Variants in HTT observed in about 807,000 individuals in gnomAD.
HTT encodes the protein huntingtin.
A neutral mutation model predicts 362.3 loss-of-function variants in HTT; 104 were observed. The observed-to-expected ratio is 0.29, with a 90% CI of 0.24 to 0.34. The LOEUF (loss-of-function observed/expected upper bound fraction) is 0.34. HTT is among the 10% of genes least tolerant of loss of function. The pLI is 1.00. For missense variants in HTT, 3,301 were observed against 3,928.6 expected (o/e 0.84, Z 4.27); for synonymous variants, 1,577 against 1,548.7 (o/e 1.02, Z -0.43).
At chr4:3,175,325 G>A (rs1047767583) in intron 33 of HTT, among the ~76,000 whole-genome samples, 1 of 152,214 alleles carries the variant, frequency 6.6e-6, no homozygotes, top group Non-Finnish European at 1.5e-5. Flanking sequence ...TGGACTCAAG[G>A]CTAACCTGGG....
Position 3,130,336 on chromosome 4 carries a change from G to T in HTT, c.1899G>T (p.Met633Ile). Residue 633 changes from methionine (M) to isoleucine (I), a missense_variant, in exon 14 of 67, where the codon ATG (methionine) becomes ATT (isoleucine). Around this residue, in one of 4 missense-constraint regions of HTT, gnomAD observed 2,316 missense variants for 2,658.5 expected, o/e 0.87. Coordinates refer to ENST00000355072, the MANE Select transcript of HTT (RefSeq NM_001388492.1). ...AACAGGCACATTTATTGAAAAACAT[G>T]AGTCACTGCAGGCAGCCTTCTGACA... ...ALQQAHLLKN[M>I]SHCRQPSDSS... 1 of 1,599,952 alleles carries T rather than the reference G, an allele frequency of 6.3e-7. No individual in the cohort carries two copies. The highest frequency in any genetic ancestry group is 8.5e-7 in the Non-Finnish European group (1 of 1,171,494).
chr4:3,169,003 A>ATTATTTCT (rs1553916663), intron 29 of HTT, among the ~76,000 whole-genome samples: 2 of 143,524 alleles, frequency 1.4e-5, no homozygotes, highest in Non-Finnish European at 3.0e-5. Flanking sequence ...ATTTTAGGCC[A>ATTATTTCT]TTCTTTCTTT....
At chr4:3,187,506 G>T in intron 38 of HTT, 145 bp from the exon 39 acceptor site, 5 of 645,022 alleles carry the variant, frequency 7.8e-6, no homozygotes, top group Non-Finnish European at 1.1e-5. Flanking sequence ...GCTTTTCTGG[G>T]AGCACACTTT....
rs146402014 is a variant in HTT, at chr4:3,144,463, G to A, written c.3067-689G>A. 3.0e-3 allele frequency among the ~76,000 whole-genome samples: 450 copies of A among 152,134 alleles called. 8 individuals carry two copies. Among genetic ancestry groups the A allele is most frequent in the Admixed American group, 0.027 (412 of 15,270 alleles). On this transcript the variant is annotated intron_variant, in intron 23 of 66. Coordinates refer to ENST00000355072, the MANE Select transcript of HTT (RefSeq NM_001388492.1). The stretch of plus-strand genomic sequence containing the variant: ...CTCCTGAGTGGCTGGAATTACAGGC[G>A]TGTGGCACCACACCTGGCTAATTTT...
At chr4:3,216,001 T>C (rs1241036553) in intron 51 of HTT, among the ~76,000 whole-genome samples, 1 of 152,200 alleles carries the variant, frequency 6.6e-6, no homozygotes, top group African/African-American at 2.4e-5. Context: ...TGTCCACACA[T>C]TTTACACAGC....
chr4:3,238,697 C>T, intron 65 of HTT, 88 bp downstream of exon 65: 11 of 1,475,864 alleles, frequency 7.5e-6, no homozygotes, highest in Non-Finnish European at 1.0e-5. Context: ...CAGCAGAGCC[C>T]AGCTCCTCCG....
In HTT at chr4:3,180,698, G is replaced by A. The variant is rs771825846; in HGVS notation, c.4749+47G>A. ...ACTGTCGTGGATACTTTATTGACCC[G>A]TGCAGATGGAAGGAAGTGCCATGTG... is the stretch of plus-strand genomic sequence containing the variant. On this transcript the variant is annotated intron_variant, in intron 36 of 66. Coordinates refer to ENST00000355072, the MANE Select transcript of HTT (RefSeq NM_001388492.1). The A allele has an allele frequency of 9.8e-6, 15 of 1,523,674 alleles. No individual in the cohort carries two copies. The South Asian group carries it at 1.2e-4, about 12-fold the overall frequency. The allele number at this position is 1,523,674 out of a possible 1,614,324, so 94.4% of individuals were successfully genotyped here. A position where few individuals can be genotyped will look rare whatever the true frequency, so the allele number is the denominator to read the frequency against.
chr4:3,212,599 G>T lies in HTT; in HGVS notation c.6664G>T (p.Ala2222Ser), dbSNP rs1720214464. 1 of 1,614,208 alleles carries T rather than the reference G, an allele frequency of 6.2e-7. No individual in the cohort carries two copies. Among genetic ancestry groups the T allele is most frequent in the Non-Finnish European group, 8.5e-7 (1 of 1,180,042 alleles). The change falls in exon 49 of 67, where the codon GCC (alanine) becomes TCC (serine). Residue 2222 changes from alanine to serine, a missense_variant. Transcript: ENST00000355072. ...ACTGTATCAGTCCCTGCCCACTCTGGCCCGGGCCCTGGCACAGTACCTGGT... is the reference window on the plus strand; with the variant it reads ...ACTGTATCAGTCCCTGCCCACTCTGTCCCGGGCCCTGGCACAGTACCTGGT... Reference protein sequence around the residue: ...AALYQSLPTLARALAQYLVVV... With the variant: ...AALYQSLPTLSRALAQYLVVV...
intron 21 of HTT, among the ~76,000 whole-genome samples, chr4:3,139,940 A>G (rs1191288367): frequency 1.3e-5 from 2 of 152,204 alleles, no homozygotes; most frequent in East Asian, 3.8e-4. Context: ...AAAGGGATTA[A>G]ATTTTATGAC....
chr4:3,150,639 C>T (rs1716828816), intron 26 of HTT, among the ~76,000 whole-genome samples: 1 of 152,164 alleles, frequency 6.6e-6, no homozygotes, highest in African/African-American at 2.4e-5. Flanking sequence ...CTTTTGTTTC[C>T]CCTACTAAAT....
intron 37 of HTT, among the ~76,000 whole-genome samples, chr4:3,183,216 G>T (rs541611318): frequency 6.6e-6 from 1 of 152,332 alleles, no homozygotes; most frequent in East Asian, 1.9e-4. Flanking sequence ...ATGATCAAAT[G>T]ACATGAATCA....
At chr4:3,114,427 C>T (rs917140372) in intron 6 of HTT, among the ~76,000 whole-genome samples, 9 of 152,236 alleles carry the variant, frequency 5.9e-5, no homozygotes, top group Non-Finnish European at 1.3e-4. Flanking sequence ...TGTAAATTCC[C>T]TGGGAGGCGA....
chr4:3,108,540 C>G (rs899702420), intron 6 of HTT, among the ~76,000 whole-genome samples: 8 of 152,160 alleles, frequency 5.3e-5, no homozygotes, highest in Non-Finnish European at 1.2e-4. Flanking sequence ...AAGGCAGTCC[C>G]CTCTGTGATA....
rs1346217836 is a variant in HTT at position 3,160,412 on chromosome 4, T to C, written c.3864+20T>C. ...GGGAAGGTTTGTGTCTTGTTTTTTC[T>C]CCTTGGGTTGTGGCTGGCACACTTG... On this transcript the variant is annotated intron_variant, in intron 29 of 66. Coordinates refer to ENST00000355072, the MANE Select transcript of HTT (RefSeq NM_001388492.1). The C allele has an allele frequency of 2.7e-6, 4 of 1,471,458 alleles. No homozygotes were observed. In the Admixed American group the frequency reaches 7.9e-5, roughly 29 times the overall value. The allele number at this position is 1,471,458 out of a possible 1,614,324, so 91.2% of individuals were successfully genotyped here.
Position 3,228,463 on chromosome 4 carries a change from C to T in HTT, c.7849-152C>T. On this transcript the variant is annotated intron_variant, in intron 57 of 66. Coordinates refer to ENST00000355072, the MANE Select transcript of HTT (RefSeq NM_001388492.1). This position sits in a 1 kb window ranked among gnomAD's most constrained non-coding sequence, Gnocchi z 4.3. ...CCCTGCCCCACCCTCTCTGTGGGCT[C>T]CCTTGCCCGTAACCTGGGGTGTCTG... The T allele has an allele frequency of 1.3e-6, 1 of 759,852 alleles. No homozygotes were observed. The highest frequency in any genetic ancestry group is 2.0e-6 in the Non-Finnish European group (1 of 506,614). 47.1% of individuals were successfully genotyped at this position (759,852 alleles called of 1,614,324 possible). A position where few individuals can be genotyped will look rare whatever the true frequency, so the allele number is the denominator to read the frequency against.
At chr4:3,160,451 G>A in intron 29 of HTT, 59 bp downstream of exon 29, 1 of 1,158,208 alleles carries the variant, frequency 8.6e-7, no homozygotes. Flanking sequence ...TGCGTCTTCT[G>A]GGCTGAGTTC....
intron 48 of HTT, 142 bp from the exon 49 acceptor site, chr4:3,212,422 C>G (rs991327281): frequency 1.8e-6 from 2 of 1,126,040 alleles, no homozygotes; most frequent in African/African-American, 3.1e-5. Context: ...ACGTGCAGTC[C>G]TGTGGACGGA....
intron 55 of HTT, among the ~76,000 whole-genome samples, 166 bp downstream of exon 55, chr4:3,223,726 C>G (rs958889437): frequency 6.6e-6 from 1 of 152,218 alleles, no homozygotes; most frequent in African/African-American, 2.4e-5. Context: ...AAGGTGGCCT[C>G]CTGGTCAGTG....
Position 3,131,670 on chromosome 4 carries a change from G to A in HTT, c.2131G>A (p.Val711Met), listed in dbSNP as rs376881312. ...TCCGGACAGGGATGTGAGGGTCAGC[G>A]TGAAGGCCCTGGCCCTCAGCTGTGT... is the stretch of plus-strand genomic sequence containing the variant. ...LVPDRDVRVS[V>M]KALALSCVGA... The change falls in exon 16 of 67, where the codon GTG (valine) becomes ATG (methionine). Residue 711 changes from valine (V) to methionine (M), a missense_variant. By Grantham distance (21) the Val-to-Met change is conservative. Coordinates refer to ENST00000355072, the MANE Select transcript of HTT (RefSeq NM_001388492.1). 9.9e-6 allele frequency: 16 copies of A among 1,613,858 alleles called. No individual in the cohort carries two copies. Among genetic ancestry groups the A allele is most frequent in the Admixed American group, 3.3e-5 (2 of 59,970 alleles).
Sources: gnomAD v4.1 joint callset for allele counts (sites outside exome capture counted in the v4.1 genomes callset) on GRCh38, gnomAD v4.1.1 for gene constraint, gnomAD v4.1.1 regional missense constraint, Gnocchi (gnomAD v3.1) non-coding constraint, MANE v1.5 for transcripts, NCBI Gene and HGNC (gene_info 2026-07-23, HGNC 2026-07-21) for gene names.